Variants in ANK3 observed in about 807,000 individuals in gnomAD.
ANK3 encodes the protein ankyrin-3.
Under a neutral mutation model 370.9 loss-of-function variants are expected in ANK3, and 57 were observed. The ratio of observed to expected loss-of-function variants is 0.15; its 90% CI spans 0.12 to 0.19. ANK3 has a LOEUF of 0.19. Among genes scored for constraint, ANK3 ranks in the 10% least tolerant of loss-of-function variants. ANK3 has a pLI of 1.00. For missense variants in ANK3, 4,439 were observed against 5,302.1 expected (o/e 0.84, Z 5.06); for synonymous variants, 1,929 against 1,946.3 (o/e 0.99, Z 0.23).
chr10:60,654,143 T>C (rs987774065), intron 1 of ANK3, among the ~76,000 whole-genome samples: 3 of 152,198 alleles, frequency 2.0e-5, no homozygotes, highest in African/African-American at 7.2e-5. Context: ...TATATAGAGA[T>C]ACTATTGATT....
chr10:60,609,406 T>C (rs1010833384), intron 2 of ANK3, among the ~76,000 whole-genome samples: 1 of 152,124 alleles, frequency 6.6e-6, no homozygotes, highest in Admixed American at 6.6e-5. Context: ...ACAACTTCCA[T>C]CACAGAGATG....
At chr10:60,065,450 C>T (rs2081450886) in intron 38 of ANK3, among the ~76,000 whole-genome samples, 1 of 152,152 alleles carries the variant, frequency 6.6e-6, no homozygotes, top group African/African-American at 2.4e-5. Context: ...ATCCCCCTTA[C>T]AAAATACTTC....
chr10:60,481,811 T>A (rs1389529962), intron 2 of ANK3, among the ~76,000 whole-genome samples: 1 of 152,170 alleles, frequency 6.6e-6, no homozygotes, highest in African/African-American at 2.4e-5. Flanking sequence ...GCAAAAGCCG[T>A]CATACCATAC....
At chr10:60,286,942 G>A (rs1182017917) in intron 1 of ANK3, among the ~76,000 whole-genome samples, 4 of 152,092 alleles carry the variant, frequency 2.6e-5, no homozygotes, top group African/African-American at 7.2e-5. Context: ...TAGATATGAG[G>A]GATTCCTTGT....
chr10:60,228,331 C>G (rs778005450), intron 8 of ANK3, among the ~76,000 whole-genome samples: 1 of 152,024 alleles, frequency 6.6e-6, no homozygotes, highest in East Asian at 1.9e-4. Flanking sequence ...GTCAAGAGTT[C>G]GAGACCAGCC....
At chr10:60,229,736 T>G (rs752901911) in intron 8 of ANK3, among the ~76,000 whole-genome samples, 1 of 152,214 alleles carries the variant, frequency 6.6e-6, no homozygotes, top group Admixed American at 6.5e-5. Context: ...TAAAGTCAAG[T>G]AAATTAAGAT....
intron 2 of ANK3, among the ~76,000 whole-genome samples, chr10:60,563,350 C>T (rs2077383652): frequency 6.6e-6 from 1 of 152,130 alleles, no homozygotes; most frequent in Admixed American, 6.6e-5. Context: ...TCCTCTCACC[C>T]CAAGCTAACC....
intron 2 of ANK3, among the ~76,000 whole-genome samples, chr10:60,456,639 A>C (rs1331691869): frequency 6.6e-6 from 1 of 152,174 alleles, no homozygotes; most frequent in African/African-American, 2.4e-5. Flanking sequence ...CACTGTGATC[A>C]TCAATAGGAT....
intron 2 of ANK3, among the ~76,000 whole-genome samples, chr10:60,591,640 A>T (rs2077916069): frequency 6.6e-6 from 1 of 152,180 alleles, no homozygotes; most frequent in Admixed American, 6.5e-5. Context: ...TTCTTGCAGC[A>T]CTGTTCACAA....
chr10:60,062,899 GATTTATATTGTAT>G lies in ANK3; in HGVS notation c.12595+199_12595+211del, dbSNP rs367660377. On this transcript the variant is annotated intron_variant, in intron 40 of 43. Coordinates refer to ENST00000280772, the MANE Select transcript of ANK3 (RefSeq NM_020987.5). ...GATACCTTAGGCGTTCATACGTCAT[GATTTATATTGTAT>G]ATTTATATTGTATATAAACAGAGGT... The G allele has an allele frequency of 4.3e-3, 1,720 of 395,776 alleles. 25 individuals carry two copies. The highest frequency in any genetic ancestry group is 0.032 in the African/African-American group (1,545 of 48,540). 24.5% of individuals were successfully genotyped at this position (395,776 alleles called of 1,614,324 possible).
upstream of ANK3, among the ~76,000 whole-genome samples, chr10:60,391,003 C>A (rs1283455777): frequency 6.6e-6 from 1 of 152,138 alleles, no homozygotes; most frequent in Non-Finnish European, 1.5e-5. Context: ...ACAAAGAGTG[C>A]CAAGTGTGAG....
intron 42 of ANK3, chr10:60,043,000 T>C (rs1330086769): frequency 4.0e-5 from 52 of 1,289,066 alleles, no homozygotes; most frequent in Non-Finnish European, 4.6e-5. Flanking sequence ...ATTCAGTAAG[T>C]TAGTGATAAA....
rs562822149 is a variant in ANK3 at position 60,681,171 on chromosome 10, T to G, written c.57+52092A>C. ...CATCTCCCCATTTCTACTATTCTGT[T>G]GAAGTTTGGTCTCTCATCATCTTGT... On this transcript the variant is annotated intron_variant, in intron 1 of 43. Transcript: ENST00000373827. Among the ~76,000 whole-genome samples, 4 of 152,186 alleles carry G rather than the reference T, an allele frequency of 2.6e-5. No homozygotes were observed. In the South Asian group the frequency reaches 8.3e-4, roughly 32 times the overall value.
intron 2 of ANK3, among the ~76,000 whole-genome samples, chr10:60,505,477 T>C (rs977117209): frequency 2.0e-5 from 3 of 152,154 alleles, no homozygotes; most frequent in African/African-American, 7.2e-5. Context: ...AGACTAATTT[T>C]TGTTCAAATT....
In ANK3 at chr10:60,469,073, A is replaced by G. The variant is rs1313465807; in HGVS notation, c.96+146113T>C. On this transcript the variant is annotated intron_variant, in intron 2 of 43. Coordinates refer to the ANK3 transcript ENST00000373827. The stretch of plus-strand genomic sequence containing the variant: ...TATATATACCACTTTTAGTATATAT[A>G]TATATATATATATATATATATACCA... Among the ~76,000 whole-genome samples, 55 of 22,416 alleles carry G rather than the reference A, an allele frequency of 2.5e-3. 1 individual carries two copies. Among genetic ancestry groups the G allele is most frequent in the Non-Finnish European group, 3.4e-3 (33 of 9,634 alleles). 14.7% of individuals were successfully genotyped at this position (22,416 alleles called of 152,430 possible).
At chr10:60,169,704 CTTCTT>C (rs1162389279) in intron 21 of ANK3, among the ~76,000 whole-genome samples, 3 of 152,072 alleles carry the variant, frequency 2.0e-5, no homozygotes, top group African/African-American at 7.2e-5. Flanking sequence ...AAATTTGTGT[CTTCTT>C]TTCCATTTAT....
intron 1 of ANK3, among the ~76,000 whole-genome samples, chr10:60,668,855 C>T (rs756808983): frequency 5.3e-5 from 8 of 152,024 alleles, no homozygotes; most frequent in South Asian, 2.1e-4. Flanking sequence ...TAGCCGGGCG[C>T]GGTGGCGTGC....
chr10:60,153,958 T>C (rs571473618), intron 23 of ANK3, among the ~76,000 whole-genome samples: 3 of 152,232 alleles, frequency 2.0e-5, no homozygotes, highest in Non-Finnish European at 4.4e-5. Flanking sequence ...TATGACTTCA[T>C]GTTGATGCAA....
At position 60,168,245 on chromosome 10, in the gene ANK3, C is replaced by T. The variant is rs183252367; in HGVS notation, c.2479-1349G>A. ...TTCACCACGTTGGCCAGGCTGGCCT[C>T]GAACTCCCAACCTCAGGTGATCCAC... On this transcript the variant is annotated intron_variant, in intron 21 of 43. Coordinates refer to ENST00000280772, the MANE Select transcript of ANK3 (RefSeq NM_020987.5). 1.2e-4 allele frequency among the ~76,000 whole-genome samples: 18 copies of T among 152,272 alleles called. No homozygotes were observed. The East Asian group carries it at 3.3e-3, about 28-fold the overall frequency.
Sources: allele counts gnomAD v4.1 joint callset (sites outside exome capture counted in the v4.1 genomes callset), GRCh38; gene constraint gnomAD v4.1.1; transcripts MANE v1.5; gene names NCBI Gene and HGNC (gene_info 2026-07-23, HGNC 2026-07-21).